Variants in ZBBX observed in about 807,000 individuals in gnomAD.
ZBBX encodes zinc finger B-box domain containing, also known as zinc finger B-box domain-containing protein 1.
In ZBBX, 101 loss-of-function variants were observed where a neutral mutation model predicts 108.5. That is an observed-to-expected ratio of 0.93 (90% CI 0.79 to 1.10). The LOEUF (loss-of-function observed/expected upper bound fraction) is 1.10. Among genes scored for constraint, ZBBX ranks in the 50% least tolerant of loss-of-function variants. The pLI is 0.00. For missense variants in ZBBX, 1,009 were observed against 941.4 expected, an observed-to-expected ratio of 1.07 and a Z score of -0.94; for synonymous variants, 356 against 323.4, an observed-to-expected ratio of 1.10 and a Z score of -1.08.
At chr3:167,325,822 C>A (rs1466804905) in intron 11 of ZBBX, among the ~76,000 whole-genome samples, 1 of 151,976 alleles carries the variant, frequency 6.6e-6, no homozygotes, top group Non-Finnish European at 1.5e-5. Context: ...CAAAAATAGC[C>A]AATATTGTCT....
At chr3:167,222,903 CAAT>C in the ZBBX span, among the ~76,000 whole-genome samples, 798 of 151,862 alleles carry the variant, frequency 5.3e-3, 5 homozygotes, top group African/African-American at 0.018. Context: ...TATTTAACAA[CAAT>C]GTGTCGTATA....
intron 19 of ZBBX, among the ~76,000 whole-genome samples, chr3:167,283,294 C>T (rs1159124478): frequency 6.6e-6 from 1 of 152,086 alleles, no homozygotes; most frequent in Non-Finnish European, 1.5e-5. Context: ...GTATTTCTCA[C>T]AAAATATTAC....
intron 1 of ZBBX, among the ~76,000 whole-genome samples, chr3:167,387,203 G>A (rs1326964157): frequency 1.3e-5 from 2 of 151,936 alleles, no homozygotes; most frequent in Non-Finnish European, 2.9e-5. Flanking sequence ...CACTTATTGA[G>A]GACCTACTAT....
Position 167,242,569 on chromosome 3 carries a change from GACTTA to G in ZBBX, c.2324_2328del (p.Ile775ThrfsTer8). ...GTCTTAAGGAAATCTGTGGAAATCT[GACTTA>G]TATTCAGTGATTGGCTGCTGAAATC... On this transcript the variant is annotated frameshift_variant, in exon 21 of 22. Coordinates refer to ENST00000675490, the MANE Select transcript of ZBBX (RefSeq NM_001199201.2). LOFTEE classifies it high-confidence loss of function. 1.2e-6 allele frequency: 2 copies of G among 1,613,646 alleles called. No individual in the cohort carries two copies. The highest frequency in any genetic ancestry group is 1.7e-6 in the Non-Finnish European group (2 of 1,179,790).
chr3:167,373,229 A>C (rs1466451620), intron 3 of ZBBX, among the ~76,000 whole-genome samples: 1 of 152,214 alleles, frequency 6.6e-6, no homozygotes, highest in Non-Finnish European at 1.5e-5. Context: ...GCAAGAGCTG[A>C]TTTAAAGTAT....
the ZBBX span, among the ~76,000 whole-genome samples, chr3:167,231,743 C>T: frequency 1.3e-5 from 2 of 151,652 alleles, no homozygotes; most frequent in African/African-American, 4.8e-5. Context: ...AATTCTGCCT[C>T]CTTTTTAAAC....
intron 9 of ZBBX, among the ~76,000 whole-genome samples, chr3:167,336,506 G>T (rs1009556974): frequency 6.6e-6 from 1 of 152,110 alleles, no homozygotes; most frequent in Non-Finnish European, 1.5e-5. Flanking sequence ...AAGAAAGAGA[G>T]CAGATATTAT....
At chr3:167,313,339 G>T (rs1734908969) in intron 16 of ZBBX, among the ~76,000 whole-genome samples, 1 of 151,130 alleles carries the variant, frequency 6.6e-6, no homozygotes, top group Non-Finnish European at 1.5e-5. Context: ...GCAACGGTGT[G>T]ATCTCGGCTT....
At chr3:167,401,242 A>C (rs997351188) in intron 1 of ZBBX, 2 of 152,218 alleles carry the variant, frequency 1.3e-5, no homozygotes, top group Non-Finnish European at 2.9e-5. Context: ...CTAAGAAGTA[A>C]CATTTGAAAT....
chr3:167,360,423 A>G (rs1375673175), intron 7 of ZBBX, among the ~76,000 whole-genome samples: 1 of 151,728 alleles, frequency 6.6e-6, no homozygotes, highest in African/African-American at 2.4e-5. Context: ...AAATTTAAGG[A>G]ACAGTGCTGT....
chr3:167,205,256 A>G, the ZBBX span, among the ~76,000 whole-genome samples: 1 of 152,162 alleles, frequency 6.6e-6, no homozygotes, highest in African/African-American at 2.4e-5. Context: ...TGGGAGATGC[A>G]GAGGGAGAAG....
intron 17 of ZBBX, among the ~76,000 whole-genome samples, chr3:167,301,983 A>G (rs1732774902): frequency 6.7e-6 from 1 of 148,894 alleles, no homozygotes. Flanking sequence ...AAAAAAACCT[A>G]GACATATTTG....
chr3:167,229,096 G>A, the ZBBX span, among the ~76,000 whole-genome samples: 3 of 151,694 alleles, frequency 2.0e-5, no homozygotes, highest in Admixed American at 6.6e-5. Context: ...AGTATCTTTC[G>A]TCTTCAGTTT....
chr3:167,266,413 T>C (rs918544424), intron 20 of ZBBX, among the ~76,000 whole-genome samples: 2 of 152,192 alleles, frequency 1.3e-5, no homozygotes, highest in Non-Finnish European at 2.9e-5. Flanking sequence ...CAAAAGTTAC[T>C]ATAAACAGCT....
chr3:167,390,652 C>T (rs530111718), intron 1 of ZBBX, among the ~76,000 whole-genome samples: 3 of 152,004 alleles, frequency 2.0e-5, no homozygotes, highest in African/African-American at 7.2e-5. Context: ...TTGTTGTGTC[C>T]TCTCTTATTT....
At chr3:167,318,488 A>G (rs1735848505) in intron 12 of ZBBX, among the ~76,000 whole-genome samples, 1 of 152,050 alleles carries the variant, frequency 6.6e-6, no homozygotes, top group Non-Finnish European at 1.5e-5. Flanking sequence ...TAGTGAATGC[A>G]GAAGAGGAAT....
chr3:167,313,238 T>G (rs570064677), intron 16 of ZBBX, among the ~76,000 whole-genome samples: 1 of 152,126 alleles, frequency 6.6e-6, no homozygotes, highest in Non-Finnish European at 1.5e-5. Context: ...AGGGAACTAC[T>G]AGTAATAGCA....
At chr3:167,261,256 T>C (rs1442182258) in intron 20 of ZBBX, among the ~76,000 whole-genome samples, 1 of 152,010 alleles carries the variant, frequency 6.6e-6, no homozygotes, top group Non-Finnish European at 1.5e-5. Context: ...ATGGACTCTG[T>C]GAGGTTCTTA....
chr3:167,262,206 C>CG lies in ZBBX; in HGVS notation c.2255-19564dup, dbSNP rs71176634. On this transcript the variant is annotated intron_variant, in intron 20 of 21. Transcript: ENST00000675490. Reference sequence around the variant, plus strand: ...GTTGGGGCACTCAGTTTTTGTGGGTCGGGGGGGGCGTCTCCCAGGTCCTGC... The same window carrying CG: ...GTTGGGGCACTCAGTTTTTGTGGGTCGGGGGGGGGCGTCTCCCAGGTCCTGC... Among the ~76,000 whole-genome samples the CG allele has an allele frequency of 6.6e-4, 100 of 151,890 alleles. 1 individual carries two copies. The highest frequency in any genetic ancestry group is 2.0e-3 in the African/African-American group (82 of 41,402).
Sources: gnomAD v4.1 joint callset for allele counts (sites outside exome capture counted in the v4.1 genomes callset) on GRCh38, gnomAD v4.1.1 for gene constraint, MANE v1.5 for transcripts, NCBI Gene and HGNC (gene_info 2026-07-23, HGNC 2026-07-21) for gene names.